KIT: variants seen among roughly 807,000 people sequenced by gnomAD.
KIT encodes the protein mast/stem cell growth factor receptor Kit.
A neutral mutation model predicts 105.7 loss-of-function variants in KIT; 16 were observed. That is an observed-to-expected ratio of 0.15 (90% CI 0.10 to 0.23). The LOEUF (loss-of-function observed/expected upper bound fraction) is 0.23. KIT is among the 10% of genes least tolerant of loss of function. The pLI is 1.00. For missense variants in KIT, 858 were observed against 1,213.8 expected, an observed-to-expected ratio of 0.71 and a Z score of 4.36; for synonymous variants, 438 against 441.1, an observed-to-expected ratio of 0.99 and a Z score of 0.09.
Position 54,739,259 on chromosome 4 carries a change from C to A in KIT, c.*702C>A. 4.0e-6 allele frequency: 1 copy of A among 248,720 alleles called. No individual in the cohort carries two copies. Among genetic ancestry groups the A allele is most frequent in the Non-Finnish European group, 7.8e-6 (1 of 128,730 alleles). The allele number at this position is 248,720 out of a possible 1,614,324, so 15.4% of individuals were successfully genotyped here. A position where few individuals can be genotyped will look rare whatever the true frequency, so the allele number is the denominator to read the frequency against. ...CATCTATAAATTGTCCGTGTTCATACATTTGAGGGGAAAACACCATAAGGT... is the reference window on the plus strand; with the variant it reads ...CATCTATAAATTGTCCGTGTTCATAAATTTGAGGGGAAAACACCATAAGGT... On this transcript the variant is annotated 3_prime_UTR_variant, in exon 21 of 21. Transcript: ENST00000288135.
intron 1 of KIT, among the ~76,000 whole-genome samples, chr4:54,659,412 G>A (rs1257669819): frequency 6.6e-6 from 1 of 152,134 alleles, no homozygotes; most frequent in Non-Finnish European, 1.5e-5. Flanking sequence ...AAACCTTTAA[G>A]GTTACCCTGA....
chr4:54,687,452 TA>T (rs939761477), intron 1 of KIT, among the ~76,000 whole-genome samples: 1 of 151,114 alleles, frequency 6.6e-6, no homozygotes. Flanking sequence ...AAAAAAAAAA[TA>T]AAAAAAAGAC....
At position 54,729,155 on chromosome 4, in the gene KIT, T is replaced by C. The variant is rs866968813; in HGVS notation, c.1991-180T>C. ...AAGAGGCTTGCTTGTTTTATGTTACTCCACATAAGGCTGCTTTTTTGATAA... is the reference window on the plus strand; with the variant it reads ...AAGAGGCTTGCTTGTTTTATGTTACCCCACATAAGGCTGCTTTTTTGATAA... On this transcript the variant is annotated intron_variant, in intron 13 of 20. Transcript: ENST00000288135. The C allele has an allele frequency of 1.1e-4, 69 of 625,432 alleles. 2 individuals carry two copies. The Middle Eastern group carries it at 1.3e-3, about 12-fold the overall frequency. 38.7% of individuals were successfully genotyped at this position (625,432 alleles called of 1,614,324 possible).
rs61067548 is a variant in KIT, at chr4:54,737,498, G to T, written c.2802+218G>T. 2.9e-3 allele frequency among the ~76,000 whole-genome samples: 447 copies of T among 152,304 alleles called. 4 individuals carry two copies. Among genetic ancestry groups the T allele is most frequent in the African/African-American group, 0.01 (427 of 41,566 alleles). ...CAAAGAAGGATGTGAGATTGAGGGG[G>T]AAGGGTGGAGAGTTTTGTACTCACT... On this transcript the variant is annotated intron_variant, in intron 20 of 20. Transcript: ENST00000288135.
chr4:54,739,099 C>G lies in KIT; in HGVS notation c.*542C>G. The stretch of plus-strand genomic sequence containing the variant: ...CATAGGCCATGAAAAAAATGATCCC[C>G]AAGTGTGAACAAAAGATGCTCTTCT... On this transcript the variant is annotated 3_prime_UTR_variant, in exon 21 of 21. Coordinates refer to ENST00000288135, the MANE Select transcript of KIT (RefSeq NM_000222.3). The G allele has an allele frequency of 2.5e-6, 1 of 393,174 alleles. No homozygotes were observed. Among genetic ancestry groups the G allele is most frequent in the Non-Finnish European group, 4.5e-6 (1 of 221,674 alleles). 24.4% of individuals were successfully genotyped at this position (393,174 alleles called of 1,614,324 possible). A position where few individuals can be genotyped will look rare whatever the true frequency, so the allele number is the denominator to read the frequency against.
At chr4:54,697,257 A>AGTT (rs1720135530) in intron 2 of KIT, among the ~76,000 whole-genome samples, 1 of 152,196 alleles carries the variant, frequency 6.6e-6, no homozygotes, top group Admixed American at 6.6e-5. Flanking sequence ...GAGATGCATA[A>AGTT]TTTATCTTGG....
chr4:54,691,274 A>T (rs1352516128), intron 1 of KIT, among the ~76,000 whole-genome samples: 1 of 152,146 alleles, frequency 6.6e-6, no homozygotes. Flanking sequence ...ACGATTTAGG[A>T]TCCTTACCTG....
At chr4:54,713,301 A>T (rs1721274367) in intron 7 of KIT, among the ~76,000 whole-genome samples, 1 of 151,656 alleles carries the variant, frequency 6.6e-6, no homozygotes, top group South Asian at 2.1e-4. Flanking sequence ...TCATTCTGTC[A>T]TTCTCATGAT....
In KIT at chr4:54,671,453, A is replaced by G. The variant is rs576787425; in HGVS notation, c.67+13372A>G. Among the ~76,000 whole-genome samples the G allele has an allele frequency of 5.3e-5, 8 of 152,318 alleles. No homozygotes were observed. The East Asian group carries it at 1.5e-3, about 29-fold the overall frequency. Reference sequence around the variant, plus strand: ...ATCTTGAGGTGCTTGTCTGGGTGTCAGTTGACAATTTCAATGAAATTAGCA... The same window carrying G: ...ATCTTGAGGTGCTTGTCTGGGTGTCGGTTGACAATTTCAATGAAATTAGCA... On this transcript the variant is annotated intron_variant, in intron 1 of 20. Coordinates refer to ENST00000288135, the MANE Select transcript of KIT (RefSeq NM_000222.3).
intron 7 of KIT, among the ~76,000 whole-genome samples, chr4:54,716,808 TTAA>T: frequency 6.6e-6 from 1 of 152,310 alleles, no homozygotes; most frequent in East Asian, 1.9e-4. Context: ...TGGCTGGAAG[TTAA>T]TAAGGTTATC....
At position 54,663,021 on chromosome 4, in the gene KIT, G is replaced by T. The variant is rs1409449924; in HGVS notation, c.67+4940G>T. Among the ~76,000 whole-genome samples the T allele has an allele frequency of 5.6e-5, 6 of 107,252 alleles. No individual in the cohort carries two copies. The Admixed American group carries it at 5.6e-4, about 10-fold the overall frequency. The allele number at this position is 107,252 out of a possible 152,430, so 70.4% of individuals were successfully genotyped here. On this transcript the variant is annotated intron_variant, in intron 1 of 20. Transcript: ENST00000288135. ...AAAAAAAAAACTACACATCTTGTAA[G>T]ATTCTCCAACATAACATTTGTGTCT...
chr4:54,698,032 TG>T (rs1195852026), intron 2 of KIT, among the ~76,000 whole-genome samples: 4 of 152,150 alleles, frequency 2.6e-5, no homozygotes. Context: ...GTACTGATCA[TG>T]GGAGGGGCAA....
intron 1 of KIT, among the ~76,000 whole-genome samples, chr4:54,685,569 C>T (rs1577938120): frequency 6.6e-6 from 1 of 152,140 alleles, no homozygotes. Flanking sequence ...CAATTCTGTT[C>T]CCCTTGCACT....
chr4:54,736,697 A>G, intron 18 of KIT, 24 bp from the exon 19 acceptor site: 2 of 1,609,050 alleles, frequency 1.2e-6, no homozygotes, highest in East Asian at 2.2e-5. Context: ...TGTGATTAAC[A>G]CTGCTTTGCA....
chr4:54,716,844 C>CTGTG (rs1258533145), intron 7 of KIT, among the ~76,000 whole-genome samples: 1 of 152,166 alleles, frequency 6.6e-6, no homozygotes. Flanking sequence ...CTTTCATGCT[C>CTGTG]TGTGTCTTCA....
intron 7 of KIT, among the ~76,000 whole-genome samples, chr4:54,715,368 TAA>T (rs34247930): frequency 0.014 from 2,039 of 142,788 alleles, 25 homozygotes; most frequent in South Asian, 0.055. Flanking sequence ...GTGTTGCTGT[TAA>T]AAAAAAAAAA....
chr4:54,659,357 G>T (rs1362571421), intron 1 of KIT, among the ~76,000 whole-genome samples: 1 of 152,168 alleles, frequency 6.6e-6, no homozygotes, highest in African/African-American at 2.4e-5. Flanking sequence ...AGGTCGCCCA[G>T]CTCACCCCTG....
chr4:54,705,164 A>G (rs1037036364), intron 5 of KIT, among the ~76,000 whole-genome samples: 1 of 152,218 alleles, frequency 6.6e-6, no homozygotes, highest in East Asian at 1.9e-4. Flanking sequence ...CCAGAAAGCA[A>G]TTAGTAAGGA....
rs373152714 is a variant in KIT at position 54,738,549 on chromosome 4, G to A, written c.2923G>A (p.Asp975Asn). 33 of 1,613,834 alleles carry A rather than the reference G, an allele frequency of 2.0e-5. No individual in the cohort carries two copies. The African/African-American group carries it at 2.7e-4, about 13-fold the overall frequency. ...CTCCCAGCCTCTGCTTGTGCACGAC[G>A]ATGTCTGAGCAGAATCAGTGTTTGG... is the stretch of plus-strand genomic sequence containing the variant. ...SSSQPLLVHD[D>N]V The change falls in exon 21 of 21, where the codon GAT becomes AAT. Residue 975 changes from aspartate (D) to asparagine (N), a missense_variant. Asp to Asn is a conservative substitution (Grantham distance 23). Coordinates refer to ENST00000288135, the MANE Select transcript of KIT (RefSeq NM_000222.3).
Sources: allele counts gnomAD v4.1 joint callset (sites outside exome capture counted in the v4.1 genomes callset), GRCh38; gene constraint gnomAD v4.1.1; transcripts MANE v1.5; gene names NCBI Gene and HGNC (gene_info 2026-07-23, HGNC 2026-07-21).